The following TMEM260 variants were observed in gnomAD, a reference collection of about 807,000 sequenced individuals.
TMEM260 encodes protein O-mannosyl-transferase TMEM260.
A neutral mutation model predicts 88.9 loss-of-function variants in TMEM260; 82 were observed. The ratio of observed to expected loss-of-function variants is 0.92; its 90% confidence interval spans 0.77 to 1.11. The LOEUF is 1.11. Ranked by LOEUF, TMEM260 falls within the 50% of genes least tolerant of loss-of-function variation. The pLI, the probability that TMEM260 is intolerant of heterozygous loss-of-function variation, is 0.00. For synonymous variants in TMEM260, 314 were observed against 309.3 expected, an observed-to-expected ratio of 1.02 and a Z score of -0.16; for missense variants, 902 against 853.4, an observed-to-expected ratio of 1.06 and a Z score of -0.71.
At chr14:56,596,248 G>A (rs1886197043) in intron 3 of TMEM260, among the ~76,000 whole-genome samples, 1 of 151,810 alleles carries the variant, frequency 6.6e-6, no homozygotes, top group Non-Finnish European at 1.5e-5. Flanking sequence ...GAGGTCATTA[G>A]AAACCATTTC....
chr14:56,635,191 A>C (rs999231249), intron 14 of TMEM260, among the ~76,000 whole-genome samples: 1 of 152,202 alleles, frequency 6.6e-6, no homozygotes, highest in Non-Finnish European at 1.5e-5. Flanking sequence ...GGATGTGGAA[A>C]GGCTACTTGT....
intron 12 of TMEM260, among the ~76,000 whole-genome samples, chr14:56,632,175 C>T (rs562379214): frequency 9.9e-5 from 15 of 152,280 alleles, no homozygotes; most frequent in Admixed American, 2.0e-4. Context: ...CTGTGGTCAC[C>T]CCATTACTTT....
intron 8 of TMEM260, among the ~76,000 whole-genome samples, chr14:56,616,644 A>G (rs137946704): frequency 3.0e-3 from 463 of 152,154 alleles, no homozygotes; most frequent in African/African-American, 0.011. Flanking sequence ...TTTTTCCACT[A>G]TTATAAGTAA....
intron 4 of TMEM260, among the ~76,000 whole-genome samples, chr14:56,605,128 A>G (rs1326908069): frequency 6.6e-6 from 1 of 152,228 alleles, no homozygotes; most frequent in Admixed American, 6.5e-5. Flanking sequence ...TTTGCCAGTT[A>G]TGAAACTAAC....
chr14:56,618,086 C>T (rs1427207504), intron 9 of TMEM260, among the ~76,000 whole-genome samples: 2 of 152,154 alleles, frequency 1.3e-5, no homozygotes, highest in African/African-American at 4.8e-5. Flanking sequence ...GAGATAGACT[C>T]TAGCCCTGGA....
chr14:56,653,715 A>G (rs545829529), downstream of TMEM260, among the ~76,000 whole-genome samples: 12 of 90,096 alleles, frequency 1.3e-4, no homozygotes, highest in African/African-American at 5.1e-4. Context: ...AGCCTGGGTG[A>G]CAGAGCAAGA....
intron 3 of TMEM260, among the ~76,000 whole-genome samples, chr14:56,586,951 G>A (rs1292981157): frequency 6.6e-6 from 1 of 151,508 alleles, no homozygotes; most frequent in Non-Finnish European, 1.5e-5. Context: ...TATTAAATTT[G>A]TTATTTTAGT....
intron 3 of TMEM260, 122 bp from the exon 4 acceptor site, chr14:56,603,693 T>G: frequency 1.0e-6 from 1 of 958,578 alleles, no homozygotes; most frequent in Non-Finnish European, 1.6e-6. Flanking sequence ...GTATTAACCA[T>G]ATAATGTGTT....
At chr14:56,661,649 C>A in the TMEM260 span, among the ~76,000 whole-genome samples, 1 of 151,962 alleles carries the variant, frequency 6.6e-6, no homozygotes, top group Non-Finnish European at 1.5e-5. Context: ...GAATGACTAG[C>A]CAATTCCTAG....
intron 15 of TMEM260, among the ~76,000 whole-genome samples, chr14:56,640,101 C>G (rs1247747687): frequency 6.6e-6 from 1 of 152,212 alleles, no homozygotes; most frequent in African/African-American, 2.4e-5. Context: ...GCAGCAATAT[C>G]CTCTGCAGAC....
In TMEM260 at chr14:56,595,422, C is replaced by T. The variant is rs192723467; in HGVS notation, c.345-8393C>T. ...ACAAAAGTTTGAGAAAATTAAGGAA[C>T]CTTCTTTACAAATCAATGTGTGAAA... On this transcript the variant is annotated intron_variant, in intron 3 of 15. Coordinates refer to ENST00000261556, the MANE Select transcript of TMEM260 (RefSeq NM_017799.4). Among the ~76,000 whole-genome samples the T allele has an allele frequency of 1.9e-3, 284 of 152,186 alleles. 1 individual carries two copies. The highest frequency in any genetic ancestry group is 6.6e-3 in the African/African-American group (273 of 41,526).
chr14:56,649,864 C>T (rs1890167231), downstream of TMEM260, among the ~76,000 whole-genome samples: 1 of 152,102 alleles, frequency 6.6e-6, no homozygotes, highest in Non-Finnish European at 1.5e-5. Flanking sequence ...CTTTGAGAAA[C>T]CAATGATATG....
chr14:56,589,001 C>T (rs1885687605), intron 3 of TMEM260, among the ~76,000 whole-genome samples: 1 of 151,834 alleles, frequency 6.6e-6, no homozygotes, highest in African/African-American at 2.4e-5. Flanking sequence ...TAATATAAAT[C>T]ATTAACATGA....
intron 3 of TMEM260, among the ~76,000 whole-genome samples, chr14:56,589,420 A>G (rs915456110): frequency 6.6e-6 from 1 of 152,170 alleles, no homozygotes; most frequent in African/African-American, 2.4e-5. Flanking sequence ...TATTTTTTAT[A>G]ATCAAAATTC....
intron 3 of TMEM260, among the ~76,000 whole-genome samples, chr14:56,594,069 A>G (rs932642746): frequency 6.6e-6 from 1 of 152,176 alleles, no homozygotes; most frequent in South Asian, 2.1e-4. Context: ...TTTTCCTCAT[A>G]TGACCTAATA....
At chr14:56,656,887 G>A in the TMEM260 span, among the ~76,000 whole-genome samples, 2 of 152,026 alleles carry the variant, frequency 1.3e-5, no homozygotes, top group Admixed American at 6.5e-5. Context: ...CTGTGCACAC[G>A]CATGCACACA....
Position 56,621,601 on chromosome 14 carries a change from G to A in TMEM260, c.1297G>A (p.Asp433Asn). The change falls in exon 11 of 16, where the codon GAT becomes AAT. Residue 433 changes from aspartate (D) to asparagine (N), a missense_variant. Asp to Asn is a conservative substitution (Grantham distance 23). Coordinates refer to ENST00000261556, the MANE Select transcript of TMEM260 (RefSeq NM_017799.4). ...GAACCTTCTCACCTCTATGCCTCAT[G>A]ATGCAATTATCTTACTCAGAGGAGA... ...AKNLLTSMPH[D>N]AIILLRGDLP... The A allele has an allele frequency of 6.2e-7, 1 of 1,613,628 alleles. No homozygotes were observed. Among genetic ancestry groups the A allele is most frequent in the South Asian group, 1.1e-5 (1 of 90,978 alleles).
At chr14:56,596,208 G>T (rs1886194984) in intron 3 of TMEM260, among the ~76,000 whole-genome samples, 2 of 151,752 alleles carry the variant, frequency 1.3e-5, no homozygotes, top group Non-Finnish European at 2.9e-5. Flanking sequence ...ATTTTATCAA[G>T]CATTATTTGA....
chr14:56,620,703 G>T (rs145810658), intron 10 of TMEM260, among the ~76,000 whole-genome samples: 2 of 152,230 alleles, frequency 1.3e-5, no homozygotes, highest in South Asian at 2.1e-4. Context: ...GTTCCTAGAG[G>T]TGTTCATTTG....
Sources: allele counts gnomAD v4.1 joint callset (sites outside exome capture counted in the v4.1 genomes callset), GRCh38; gene constraint gnomAD v4.1.1; transcripts MANE v1.5; gene names NCBI Gene and HGNC (gene_info 2026-07-23, HGNC 2026-07-21).